Variants in CELF2 observed in about 807,000 individuals in gnomAD.
CELF2 encodes CUG triplet repeat RNA-binding protein 2.
In CELF2, 8 loss-of-function variants were observed where a neutral mutation model predicts 62.6. That is an observed-to-expected ratio of 0.13 (90% CI 0.07 to 0.23). CELF2 has a LOEUF of 0.23. Among genes scored for constraint, CELF2 ranks in the 10% least tolerant of loss-of-function variants. CELF2 has a pLI of 1.00. For synonymous variants in CELF2, 258 were observed against 250.0 expected, an observed-to-expected ratio of 1.03 and a Z score of -0.30; for missense variants, 333 against 671.0, an observed-to-expected ratio of 0.50 and a Z score of 5.56.
chr10:10,987,620 G>A (rs567115280), intron 2 of CELF2, among the ~76,000 whole-genome samples: 2 of 152,170 alleles, frequency 1.3e-5, no homozygotes, highest in South Asian at 4.2e-4. Context: ...ATCAATTGTG[G>A]TTTGTTTGAA....
the CELF2 span, among the ~76,000 whole-genome samples, chr10:10,594,555 G>T: frequency 1.3e-5 from 2 of 152,096 alleles, no homozygotes; most frequent in Non-Finnish European, 1.5e-5. Context: ...ACAGAATTTT[G>T]CTTCCTTTAG....
At chr10:11,085,561 T>C (rs1433839460) in intron 1 of CELF2, among the ~76,000 whole-genome samples, 1 of 152,116 alleles carries the variant, frequency 6.6e-6, no homozygotes, top group Non-Finnish European at 1.5e-5. Context: ...CACAGTGACC[T>C]TGTTATTGGT....
chr10:10,570,748 C>A, the CELF2 span, among the ~76,000 whole-genome samples: 3 of 151,928 alleles, frequency 2.0e-5, no homozygotes, highest in Non-Finnish European at 2.9e-5. Flanking sequence ...ACATTGATAA[C>A]AACGTTAAAA....
In CELF2 at chr10:11,025,239, G is replaced by GTA. The variant is rs71378775; in HGVS notation, c.74+7080_74+7081dup. 4.3e-5 allele frequency among the ~76,000 whole-genome samples: 6 copies of GTA among 141,084 alleles called. No homozygotes were observed. In the South Asian group the frequency reaches 9.4e-4, roughly 22 times the overall value. 92.6% of individuals were successfully genotyped at this position (141,084 alleles called of 152,430 possible). ...TGTGTGTGTGTGTGTGTGTGTGTGT[G>GTA]TATATGTATGTGACTGTATATCTGG... is the stretch of plus-strand genomic sequence containing the variant. On this transcript the variant is annotated intron_variant, in intron 1 of 12. Coordinates refer to ENST00000633077, the MANE Select transcript of CELF2 (RefSeq NM_001326342.2).
intron 1 of CELF2, among the ~76,000 whole-genome samples, chr10:11,073,439 G>A (rs1406047458): frequency 6.6e-6 from 1 of 152,152 alleles, no homozygotes; most frequent in African/African-American, 2.4e-5. Context: ...AAACACGCCG[G>A]GATGTTTAGC....
Position 11,201,902 on chromosome 10 carries a change from G to A in CELF2, c.272-15523G>A, listed in dbSNP as rs143270590. On this transcript the variant is annotated intron_variant, in intron 2 of 12. Transcript: ENST00000633077. ...TTGTAGAAAGGTATTTGGTACCTTC[G>A]TTGCAGTTTTCTGCTGAGAATCCTG... Among the ~76,000 whole-genome samples the A allele has an allele frequency of 4.9e-3, 747 of 152,208 alleles. 6 individuals are homozygous for A. Among genetic ancestry groups the A allele is most frequent in the Middle Eastern group, 0.014 (4 of 294 alleles).
the CELF2 span, among the ~76,000 whole-genome samples, chr10:10,571,512 C>T: frequency 6.6e-6 from 1 of 151,996 alleles, no homozygotes; most frequent in African/African-American, 2.4e-5. Context: ...AATTCAAGAG[C>T]AGGAGAGAAA....
the CELF2 span, among the ~76,000 whole-genome samples, chr10:10,686,598 A>C: frequency 1.2e-4 from 18 of 152,080 alleles, no homozygotes; most frequent in Non-Finnish European, 1.3e-4. Flanking sequence ...ATAGTGAGTG[A>C]GTTCTCATGA....
intron 9 of CELF2, among the ~76,000 whole-genome samples, chr10:11,312,837 G>A (rs1327151496): frequency 2.0e-5 from 3 of 152,228 alleles, no homozygotes; most frequent in Non-Finnish European, 4.4e-5. Context: ...AGGAGGCTGA[G>A]GCAGGAGAAT....
intron 1 of CELF2, among the ~76,000 whole-genome samples, chr10:11,106,132 A>C (rs1381515680): frequency 6.6e-6 from 1 of 152,198 alleles, no homozygotes; most frequent in Non-Finnish European, 1.5e-5. Flanking sequence ...TACCCACTTT[A>C]CAGACAAGCT....
intron 1 of CELF2, among the ~76,000 whole-genome samples, chr10:11,083,960 A>G (rs559621478): frequency 1.3e-5 from 2 of 152,300 alleles, no homozygotes; most frequent in East Asian, 1.9e-4. Flanking sequence ...TATATCAGAC[A>G]TGATTTACTG....
intron 2 of CELF2, among the ~76,000 whole-genome samples, chr10:11,202,939 CTCTCTCTCTCTCTGTGTGTG>C (rs2059585488): frequency 1.2e-5 from 1 of 85,146 alleles, no homozygotes; most frequent in African/African-American, 5.0e-5. Context: ...CTCTCTCTCT[CTCTCTCTCTCTCTGTGTGTG>C]TGTGTGTGTG....
chr10:11,071,466 A>C (rs2069967745), intron 1 of CELF2: 1 of 152,256 alleles, frequency 6.6e-6, no homozygotes, highest in Non-Finnish European at 1.5e-5. Flanking sequence ...CAGGTGACTG[A>C]GGCTACACAT....
At chr10:11,169,370 T>G (rs2068151650) in intron 2 of CELF2, 1 of 152,148 alleles carries the variant, frequency 6.6e-6, no homozygotes, top group Non-Finnish European at 1.5e-5. Context: ...AGTCGCAGCT[T>G]ATGGGAGATG....
intron 2 of CELF2, among the ~76,000 whole-genome samples, chr10:11,173,671 A>G (rs1389737845): frequency 6.6e-6 from 1 of 152,184 alleles, no homozygotes; most frequent in East Asian, 1.9e-4. Flanking sequence ...ACCTCATCAT[A>G]ATTTCACTGA....
chr10:11,060,485 A>G (rs541385040), intron 1 of CELF2, among the ~76,000 whole-genome samples: 4 of 152,180 alleles, frequency 2.6e-5, no homozygotes, highest in Non-Finnish European at 5.9e-5. Flanking sequence ...ATGTTCCTGC[A>G]TTGCCTACCC....
chr10:10,619,817 T>C, the CELF2 span, among the ~76,000 whole-genome samples: 1 of 152,186 alleles, frequency 6.6e-6, no homozygotes, highest in Non-Finnish European at 1.5e-5. Flanking sequence ...TACCATTTGG[T>C]GCCAACATTC....
intron 1 of CELF2, among the ~76,000 whole-genome samples, chr10:10,813,844 C>T (rs1341889561): frequency 3.9e-5 from 6 of 152,132 alleles, no homozygotes; most frequent in African/African-American, 1.4e-4. Context: ...TTGAGATCCA[C>T]GATAACTTGG....
In CELF2 at chr10:11,103,025, T is replaced by C. The variant is rs990294612; in HGVS notation, c.75-62461T>C. ...CTGAGTCTCATCTTGTTACTCCCTA[T>C]TCAGAATTCTCCAGTGCCTCTCCTT... On this transcript the variant is annotated intron_variant, in intron 1 of 12. Coordinates refer to ENST00000633077, the MANE Select transcript of CELF2 (RefSeq NM_001326342.2). 5.9e-5 allele frequency among the ~76,000 whole-genome samples: 9 copies of C among 152,200 alleles called. 1 individual carries two copies. Among genetic ancestry groups the C allele is most frequent in the Admixed American group, 5.2e-4 (8 of 15,280 alleles).
Sources: gnomAD v4.1 joint callset for allele counts (sites outside exome capture counted in the v4.1 genomes callset) on GRCh38, gnomAD v4.1.1 for gene constraint, MANE v1.5 for transcripts, NCBI Gene and HGNC (gene_info 2026-07-23, HGNC 2026-07-21) for gene names.